Variants in NFATC2 observed in about 807,000 individuals in gnomAD.
NFATC2 encodes nuclear factor of activated T-cells, cytoplasmic 2.
Under a neutral mutation model 87.3 loss-of-function variants are expected in NFATC2, and 22 were observed. The ratio of observed to expected loss-of-function variants is 0.25; its 90% CI spans 0.18 to 0.36. The LOEUF is 0.36. Among genes scored for constraint, NFATC2 ranks in the 10% least tolerant of loss-of-function variants. NFATC2 has a pLI of 1.00. For synonymous variants in NFATC2, 565 were observed against 542.2 expected, an observed-to-expected ratio of 1.04 and a Z score of -0.58; for missense variants, 1,149 against 1,259.1, an observed-to-expected ratio of 0.91 and a Z score of 1.32.
intron 8 of NFATC2, among the ~76,000 whole-genome samples, chr20:51,434,197 TGCCAGGGCAGTCAAGCTCAC>T (rs1983217685): frequency 1.8e-5 from 1 of 56,592 alleles, no homozygotes; most frequent in Non-Finnish European, 3.2e-5. Context: ...AAGGCAAGGC[TGCCAGGGCAGTCAAGCTCAC>T]CAAGGCAAGG....
chr20:51,544,239 G>C (rs1005170962), upstream of NFATC2, among the ~76,000 whole-genome samples: 1 of 151,780 alleles, frequency 6.6e-6, no homozygotes, highest in African/African-American at 2.4e-5. Context: ...CACCCGCCTC[G>C]GCCTCCCCAA....
rs373685217 is a variant in NFATC2, at chr20:51,562,383, C to T, written c.70+177G>A. On this transcript the variant is annotated intron_variant, in intron 1 of 10. Coordinates refer to the NFATC2 transcript ENST00000414705. This position sits in a 1 kb window ranked among gnomAD's most constrained non-coding sequence, Gnocchi z 5.8. ...CCTTCCCAAGTGTCCCTTCCCTGGC[C>T]GGGGCGCGGGCGCCCCTCCGCGGGC... Among the ~76,000 whole-genome samples the T allele has an allele frequency of 2.6e-5, 4 of 152,278 alleles. No homozygotes were observed. The East Asian group carries it at 7.8e-4, about 30-fold the overall frequency.
At chr20:51,475,354 G>C in intron 4 of NFATC2, 104 bp downstream of exon 4, 1 of 1,065,954 alleles carries the variant, frequency 9.4e-7, no homozygotes, top group Non-Finnish European at 1.4e-6. Flanking sequence ...GCCATCAACA[G>C]CTGCTTCCAT....
chr20:51,542,750 G>GC (rs1491447852), upstream of NFATC2: 73 of 567,892 alleles, frequency 1.3e-4, 4 homozygotes, highest in Admixed American at 2.7e-4. Context: ...CCGGGGAGGC[G>GC]GGGGGGGGGG....
At chr20:51,447,872 A>C (rs1985270618) in intron 6 of NFATC2, among the ~76,000 whole-genome samples, 1 of 152,246 alleles carries the variant, frequency 6.6e-6, no homozygotes, top group Non-Finnish European at 1.5e-5. Context: ...AGTTGACGAC[A>C]AATGCTGCCT....
intron 9 of NFATC2, among the ~76,000 whole-genome samples, chr20:51,430,333 C>CACCACG (rs1982511180): frequency 1.3e-5 from 2 of 152,160 alleles, no homozygotes; most frequent in African/African-American, 4.8e-5. Context: ...TTCATTGATC[C>CACCACG]TCCACGTTCT....
chr20:51,500,711 CACCTCTACCCTCGCCCTCACCCTCACCA>C (rs2076069665), intron 3 of NFATC2, among the ~76,000 whole-genome samples: 1 of 73,658 alleles, frequency 1.4e-5, no homozygotes, highest in Non-Finnish European at 2.7e-5. Flanking sequence ...CACCACCCCG[CACCTCTACCCTCGCCCTCACCCTCACCA>C]ACCCCCACCA....
At chr20:51,544,132 C>A (rs149497265), upstream of NFATC2, among the ~76,000 whole-genome samples, 2 of 151,726 alleles carry the variant, frequency 1.3e-5, no homozygotes, top group African/African-American at 4.8e-5. Context: ...GGACTACAGG[C>A]GCCAGCCACC....
At chr20:51,457,039 G>C (rs141421494) in intron 5 of NFATC2, among the ~76,000 whole-genome samples, 1 of 152,364 alleles carries the variant, frequency 6.6e-6, no homozygotes, top group Non-Finnish European at 1.5e-5. Context: ...CGCTGCCCCA[G>C]GGGCTGCCGG....
At chr20:51,477,413 G>A (rs1308622276) in intron 3 of NFATC2, among the ~76,000 whole-genome samples, 1 of 151,372 alleles carries the variant, frequency 6.6e-6, no homozygotes, top group African/African-American at 2.4e-5. Context: ...AGATTGAGAA[G>A]GTGATCAAAG....
At chr20:51,504,387 C>T (rs62229849) in intron 3 of NFATC2, among the ~76,000 whole-genome samples, 12,393 of 152,182 alleles carry the variant, frequency 0.081, 696 homozygotes, top group African/African-American at 0.16. Flanking sequence ...CCACCAGCCT[C>T]GGCCTCCCAA....
At chr20:51,521,989 C>T (rs750311158) in intron 2 of NFATC2, among the ~76,000 whole-genome samples, 1 of 152,118 alleles carries the variant, frequency 6.6e-6, no homozygotes, top group Non-Finnish European at 1.5e-5. Context: ...TACTTTGAGT[C>T]CATGTGGTGT....
chr20:51,457,941 A>G (rs527598382), intron 5 of NFATC2, among the ~76,000 whole-genome samples: 37 of 149,068 alleles, frequency 2.5e-4, no homozygotes, highest in Non-Finnish European at 5.0e-4. Context: ...GCAGGAGTAC[A>G]GTGGTGGCAT....
intron 3 of NFATC2, among the ~76,000 whole-genome samples, chr20:51,487,050 C>A (rs1879426275): frequency 6.6e-6 from 1 of 152,146 alleles, no homozygotes; most frequent in Non-Finnish European, 1.5e-5. Flanking sequence ...AAGTGTTTAC[C>A]CGAAGACCAG....
At chr20:51,552,213 G>A (rs2076940397) in intron 1 of NFATC2, among the ~76,000 whole-genome samples, 3 of 151,934 alleles carry the variant, frequency 2.0e-5, no homozygotes, top group Admixed American at 6.5e-5. Context: ...GGAGGCTGAC[G>A]CTGCAGTGAG....
chr20:51,540,664 T>TTTTTTTG (rs1450182985), intron 1 of NFATC2, among the ~76,000 whole-genome samples: 2 of 113,100 alleles, frequency 1.8e-5, no homozygotes, highest in African/African-American at 6.8e-5. Context: ...TTTTGTTTTT[T>TTTTTTTG]TTTTTTTGAG....
chr20:51,397,481 A>G (rs1987344786), intron 10 of NFATC2, among the ~76,000 whole-genome samples: 1 of 152,214 alleles, frequency 6.6e-6, no homozygotes, highest in Admixed American at 6.5e-5. Flanking sequence ...GGCTTGCCAA[A>G]GTCCCCAAGC....
chr20:51,441,926 T>C (rs1568982434), intron 6 of NFATC2, among the ~76,000 whole-genome samples: 1 of 152,146 alleles, frequency 6.6e-6, no homozygotes, highest in Non-Finnish European at 1.5e-5. Flanking sequence ...CCAAGTGCTT[T>C]GGTGGGTATT....
intron 10 of NFATC2, among the ~76,000 whole-genome samples, chr20:51,394,881 G>A (rs1032600651): frequency 5.3e-5 from 8 of 152,144 alleles, no homozygotes; most frequent in Non-Finnish European, 1.0e-4. Flanking sequence ...CCTGGAAGCC[G>A]CCCCACATTC....
Sources: gnomAD v4.1 joint callset for allele counts (sites outside exome capture counted in the v4.1 genomes callset) on GRCh38, gnomAD v4.1.1 for gene constraint, Gnocchi (gnomAD v3.1) non-coding constraint, MANE v1.5 for transcripts, NCBI Gene and HGNC (gene_info 2026-07-23, HGNC 2026-07-21) for gene names.